SERTAD2: variants seen among roughly 807,000 people sequenced by gnomAD.
The protein encoded by SERTAD2 is SERTA domain containing 2.
A neutral mutation model predicts 15.4 loss-of-function variants in SERTAD2; 2 were observed. The observed-to-expected ratio is 0.13, with a 90% CI of 0.05 to 0.41. SERTAD2 has a LOEUF of 0.41. SERTAD2 is among the 10% of genes least tolerant of loss of function. SERTAD2 has a pLI of 0.99. For synonymous variants in SERTAD2, 180 were observed against 178.0 expected (o/e 1.01, Z -0.09); for missense variants, 333 against 409.7 (o/e 0.81, Z 1.62).
chr2:64,649,284 G>A (rs1042575796), intron 1 of SERTAD2, among the ~76,000 whole-genome samples: 7 of 152,246 alleles, frequency 4.6e-5, no homozygotes, highest in Non-Finnish European at 8.8e-5. Flanking sequence ...AGTGCATGGC[G>A]TGGAATGATA....
chr2:64,646,452 C>G (rs1317429641), intron 1 of SERTAD2: 2 of 151,560 alleles, frequency 1.3e-5, no homozygotes, highest in African/African-American at 4.9e-5. Flanking sequence ...TCCATGTAAA[C>G]AAGCACGCCC....
Position 64,635,572 on chromosome 2 carries a change from G to GA in SERTAD2, c.*354dup, listed in dbSNP as rs1180609410. 2 of 182,500 alleles carry GA rather than the reference G, an allele frequency of 1.1e-5. No homozygotes were observed. Among genetic ancestry groups the GA allele is most frequent in the Non-Finnish European group, 2.4e-5 (2 of 84,618 alleles). 11.3% of individuals were successfully genotyped at this position (182,500 alleles called of 1,614,324 possible). On this transcript the variant is annotated 3_prime_UTR_variant, in exon 2 of 2. Transcript: ENST00000313349. Reference sequence around the variant, plus strand: ...TTTACCTCTTGCAATAAAACTTATAGAAAAAATAGACAAATATGCACATGC... The same window carrying GA: ...TTTACCTCTTGCAATAAAACTTATAGAAAAAAATAGACAAATATGCACATGC...
At chr2:64,646,423 A>G (rs1674903340) in intron 1 of SERTAD2, 1 of 152,012 alleles carries the variant, frequency 6.6e-6, no homozygotes, top group African/African-American at 2.4e-5. Context: ...TTCTTCACAC[A>G]GAAGAAAGCT....
At chr2:64,651,086 C>G (rs1334436719) in intron 1 of SERTAD2, among the ~76,000 whole-genome samples, 1 of 152,186 alleles carries the variant, frequency 6.6e-6, no homozygotes. Flanking sequence ...AAGTTCATGG[C>G]CCCAAATACG....
rs186466125 is a variant in SERTAD2, at chr2:64,632,985, G to C, written c.*2942C>G. ...AACTGTCCTCTCCCAGCCCCAGCTCGGTTTTCTCGTAAAGGCACCTCAAGC... is the reference window on the plus strand; with the variant it reads ...AACTGTCCTCTCCCAGCCCCAGCTCCGTTTTCTCGTAAAGGCACCTCAAGC... On this transcript the variant is annotated 3_prime_UTR_variant, in exon 2 of 2. Coordinates refer to ENST00000313349, the MANE Select transcript of SERTAD2 (RefSeq NM_014755.3). 10 of 152,670 alleles carry C rather than the reference G, an allele frequency of 6.6e-5. No homozygotes were observed. Among genetic ancestry groups the C allele is most frequent in the African/African-American group, 2.4e-4 (10 of 41,550 alleles). The allele number at this position is 152,670 out of a possible 1,614,324, so 9.5% of individuals were successfully genotyped here.
intron 1 of SERTAD2, among the ~76,000 whole-genome samples, chr2:64,638,529 C>T (rs1359432358): frequency 6.6e-6 from 1 of 152,228 alleles, no homozygotes; most frequent in African/African-American, 2.4e-5. Context: ...ATGGAGCCTG[C>T]CACTTGGGGT....
rs200992580 is a variant in SERTAD2, at chr2:64,636,214, T to G, written c.658A>C (p.Lys220Gln). 1 of 1,614,198 alleles carries G rather than the reference T, an allele frequency of 6.2e-7. No individual in the cohort carries two copies. The highest frequency in any genetic ancestry group is 2.2e-5 in the East Asian group (1 of 44,894). Residue 220 changes from lysine (K) to glutamine (Q), a missense_variant, in exon 2 of 2, where the codon AAA (lysine) becomes CAA (glutamine). Physicochemically the swap from Lys to Gln is moderately conservative, Grantham distance 53. Transcript: ENST00000313349. ...GPQESRADDS[K>Q]LMDSLPGNFE... ...TTCCCAGGCAGAGAGTCCATCAGTT[T>G]TGAGTCATCTGCGCGGCTCTCTTGA... is the stretch of plus-strand genomic sequence containing the variant.
intron 1 of SERTAD2, among the ~76,000 whole-genome samples, chr2:64,645,412 A>G (rs1465534815): frequency 6.6e-6 from 1 of 152,000 alleles, no homozygotes; most frequent in Non-Finnish European, 1.5e-5. Context: ...GCCTGACGAT[A>G]CACTGAAATT....
At position 64,636,706 on chromosome 2, in the gene SERTAD2, C is replaced by T; in HGVS notation, c.166G>A (p.Glu56Lys). The stretch of plus-strand genomic sequence containing the variant: ...AAAACGGTCTTTTGCAAGCTGGGCT[C>T]TGTCAGGGGCCTGTGGTTATAGAGT... Reference protein sequence around the residue: ...MKLYNHRPLTEPSLQKTVLIN... With the variant: ...MKLYNHRPLTKPSLQKTVLIN... Residue 56 changes from glutamate to lysine, a missense_variant, in exon 2 of 2, where the codon GAG becomes AAG. Glu to Lys is a moderately conservative substitution (Grantham distance 56). This residue lies in a region of SERTAD2 where 332 missense variants were observed against 392.9 expected (regional missense o/e 0.84). Coordinates refer to ENST00000313349, the MANE Select transcript of SERTAD2 (RefSeq NM_014755.3). 6.2e-7 allele frequency: 1 copy of T among 1,614,108 alleles called. No individual in the cohort carries two copies. Among genetic ancestry groups the T allele is most frequent in the East Asian group, 2.2e-5 (1 of 44,874 alleles).
rs1209141221 is a variant in SERTAD2, at chr2:64,635,851, G to A, written c.*76C>T. The A allele has an allele frequency of 1.6e-5, 18 of 1,138,914 alleles. No individual in the cohort carries two copies. Among genetic ancestry groups the A allele is most frequent in the Admixed American group, 2.2e-5 (1 of 46,288 alleles). The allele number at this position is 1,138,914 out of a possible 1,614,324, so 70.6% of individuals were successfully genotyped here. A position where few individuals can be genotyped will look rare whatever the true frequency, so the allele number is the denominator to read the frequency against. ...CTGAAAAAGGCAAGCAAGGGTGCAT[G>A]CACAGTGTGGAGAACTGTCAGGGTT... On this transcript the variant is annotated 3_prime_UTR_variant, in exon 2 of 2. Transcript: ENST00000313349.
intron 1 of SERTAD2, among the ~76,000 whole-genome samples, chr2:64,637,390 A>C (rs1674684211): frequency 6.6e-6 from 1 of 152,248 alleles, no homozygotes; most frequent in Non-Finnish European, 1.5e-5. Context: ...TAATTTGGGT[A>C]GAACTGTGTG....
intron 1 of SERTAD2, among the ~76,000 whole-genome samples, chr2:64,643,485 T>C (rs1050388006): frequency 1.1e-4 from 17 of 152,206 alleles, no homozygotes; most frequent in African/African-American, 4.1e-4. Flanking sequence ...CGGCTCTACA[T>C]GCACGCTATA....
chr2:64,645,737 G>C (rs1215409693), intron 1 of SERTAD2, among the ~76,000 whole-genome samples: 1 of 152,168 alleles, frequency 6.6e-6, no homozygotes, highest in Admixed American at 6.5e-5. Flanking sequence ...AAAGAGAATA[G>C]GCTTTTTAGA....
intron 1 of SERTAD2, among the ~76,000 whole-genome samples, chr2:64,637,472 C>A (rs1212031037): frequency 6.6e-6 from 1 of 152,194 alleles, no homozygotes; most frequent in African/African-American, 2.4e-5. Flanking sequence ...TGTGGTGAAG[C>A]ACTGCACCTG....
rs953387609 is a variant in SERTAD2 at position 64,633,642 on chromosome 2, A to T, written c.*2285T>A. The stretch of plus-strand genomic sequence containing the variant: ...CAGACTTGTTCTCTGCAAGAAAGGG[A>T]AGCTCTTAAAATTAACAGGCATACT... On this transcript the variant is annotated 3_prime_UTR_variant, in exon 2 of 2. Coordinates refer to ENST00000313349, the MANE Select transcript of SERTAD2 (RefSeq NM_014755.3). 6.6e-6 allele frequency: 1 copy of T among 152,224 alleles called. No homozygotes were observed. Among genetic ancestry groups the T allele is most frequent in the East Asian group, 1.9e-4 (1 of 5,206 alleles). 9.4% of individuals were successfully genotyped at this position (152,224 alleles called of 1,614,324 possible).
chr2:64,653,186 C>T (rs1675051692), intron 1 of SERTAD2, among the ~76,000 whole-genome samples: 1 of 152,206 alleles, frequency 6.6e-6, no homozygotes. Flanking sequence ...GATGCAAACC[C>T]GGCCACGGAA....
intron 1 of SERTAD2, among the ~76,000 whole-genome samples, chr2:64,648,805 C>T (rs774703993): frequency 1.3e-5 from 2 of 152,018 alleles, no homozygotes; most frequent in Non-Finnish European, 2.9e-5. Context: ...GCCAGTGAAA[C>T]GTATTTTATT....
At position 64,631,878 on chromosome 2, in the gene SERTAD2, T is replaced by A. The variant is rs535665054; in HGVS notation, c.*4049A>T. The A allele has an allele frequency of 1.3e-5, 2 of 152,626 alleles. No homozygotes were observed. The highest frequency in any genetic ancestry group is 2.9e-5 in the Non-Finnish European group (2 of 68,042). The allele number at this position is 152,626 out of a possible 1,614,324, so 9.5% of individuals were successfully genotyped here. ...CACCAAACATGTCACTATGTACATC[T>A]TTTTTCAAAATCTCGGTCATGCGCA... On this transcript the variant is annotated 3_prime_UTR_variant, in exon 2 of 2. Coordinates refer to ENST00000313349, the MANE Select transcript of SERTAD2 (RefSeq NM_014755.3).
Position 64,633,780 on chromosome 2 carries a change from G to A in SERTAD2, c.*2147C>T, listed in dbSNP as rs949218697. On this transcript the variant is annotated 3_prime_UTR_variant, in exon 2 of 2. Transcript: ENST00000313349. ...GGTGTCTGCGTGGAGGTTGCTTGTAGGAGAACAAGTGCAATTTGATCAGTT... is the reference window on the plus strand; with the variant it reads ...GGTGTCTGCGTGGAGGTTGCTTGTAAGAGAACAAGTGCAATTTGATCAGTT... 6.6e-6 allele frequency: 1 copy of A among 152,194 alleles called. No individual in the cohort carries two copies. The highest frequency in any genetic ancestry group is 1.5e-5 in the Non-Finnish European group (1 of 68,030). 9.4% of individuals were successfully genotyped at this position (152,194 alleles called of 1,614,324 possible).
Sources: gnomAD v4.1 joint callset for allele counts (sites outside exome capture counted in the v4.1 genomes callset) on GRCh38, gnomAD v4.1.1 for gene constraint, gnomAD v4.1.1 regional missense constraint, MANE v1.5 for transcripts, NCBI Gene and HGNC (gene_info 2026-07-23, HGNC 2026-07-21) for gene names.